CAMKK2: variants seen among roughly 807,000 people sequenced by gnomAD.
CAMKK2 encodes the protein calcium/calmodulin-dependent protein kinase kinase 2.
In CAMKK2, 30 loss-of-function variants were observed where a neutral mutation model predicts 67.2. The observed-to-expected ratio is 0.45, with a 90% CI of 0.33 to 0.61. CAMKK2 has a LOEUF of 0.61. Among genes scored for constraint, CAMKK2 ranks in the 20% least tolerant of loss-of-function variants. The probability of loss-of-function intolerance (pLI) is 0.02; values close to 1 mark genes in which losing one functional copy is unlikely to be tolerated. For synonymous variants in CAMKK2, 322 were observed against 326.2 expected (o/e 0.99, Z 0.14); for missense variants, 643 against 802.0 (o/e 0.80, Z 2.39).
At chr12:121,280,582 A>G (rs1897588748) in intron 1 of CAMKK2, among the ~76,000 whole-genome samples, 1 of 152,294 alleles carries the variant, frequency 6.6e-6, no homozygotes, top group Middle Eastern at 3.4e-3. Context: ...AGCAAATGGG[A>G]GAAATATCGC....
At position 121,240,324 on chromosome 12, in the gene CAMKK2, G is replaced by T; in HGVS notation, c.*375C>A. 3 of 1,035,918 alleles carry T rather than the reference G, an allele frequency of 2.9e-6. No individual in the cohort carries two copies. Among genetic ancestry groups the T allele is most frequent in the Non-Finnish European group, 4.1e-6 (3 of 729,688 alleles). The allele number at this position is 1,035,918 out of a possible 1,614,324, so 64.2% of individuals were successfully genotyped here. A position where few individuals can be genotyped will look rare whatever the true frequency, so the allele number is the denominator to read the frequency against. On this transcript the variant is annotated 3_prime_UTR_variant, in exon 17 of 17. Coordinates refer to ENST00000404169, the MANE Select transcript of CAMKK2 (RefSeq NM_001270485.2). This position sits in a 1 kb window ranked among gnomAD's most constrained non-coding sequence, Gnocchi z 4.4. ...CTCAGACCGCCGGAGTTTTCTGCTC[G>T]CCTTTCCACAGTTGTCAAACCCCAC...
At chr12:121,273,372 G>C (rs1896139631) in intron 2 of CAMKK2, among the ~76,000 whole-genome samples, 1 of 152,100 alleles carries the variant, frequency 6.6e-6, no homozygotes, top group African/African-American at 2.4e-5. Flanking sequence ...AGGGAGCTTA[G>C]GGAGCTGGCA....
In CAMKK2 at chr12:121,251,847, T is replaced by C. The variant is rs199950696; in HGVS notation, c.1161+814A>G. Among the ~76,000 whole-genome samples the C allele has an allele frequency of 3.8e-5, 4 of 105,502 alleles. No homozygotes were observed. The East Asian group carries it at 7.7e-4, about 20-fold the overall frequency. The allele number at this position is 105,502 out of a possible 152,430, so 69.2% of individuals were successfully genotyped here. A position where few individuals can be genotyped will look rare whatever the true frequency, so the allele number is the denominator to read the frequency against. Reference sequence around the variant, plus strand: ...ATCTCAAAAAAAAAAAAAAAAAAAATAGAGAGAGAAGCCCCCAGATATCAA... The same window carrying C: ...ATCTCAAAAAAAAAAAAAAAAAAAACAGAGAGAGAAGCCCCCAGATATCAA... On this transcript the variant is annotated intron_variant, in intron 11 of 16. Coordinates refer to ENST00000404169, the MANE Select transcript of CAMKK2 (RefSeq NM_001270485.2).
At chr12:121,244,504 G>A in intron 16 of CAMKK2, 69 bp downstream of exon 16, 1 of 1,433,286 alleles carries the variant, frequency 7.0e-7, no homozygotes, top group Non-Finnish European at 9.6e-7. Context: ...ATGCCCCCGT[G>A]CTCTGCAGCT....
At chr12:121,259,126 G>A (rs1179782088) in intron 7 of CAMKK2, among the ~76,000 whole-genome samples, 1 of 152,090 alleles carries the variant, frequency 6.6e-6, no homozygotes, top group African/African-American at 2.4e-5. Context: ...ACAGGGGTGA[G>A]CCACTGTGCC....
At chr12:121,251,731 G>A (rs1305519221) in intron 11 of CAMKK2, among the ~76,000 whole-genome samples, 1 of 151,328 alleles carries the variant, frequency 6.6e-6, no homozygotes, top group Non-Finnish European at 1.5e-5. Flanking sequence ...GGAGGCTGAG[G>A]CAGGAGAATG....
chr12:121,244,431 G>T, intron 16 of CAMKK2, 142 bp downstream of exon 16: 1 of 792,844 alleles, frequency 1.3e-6, no homozygotes, highest in Non-Finnish European at 2.0e-6. Context: ...TACTGGGTCT[G>T]GAGGCCCGCG....
In CAMKK2 at chr12:121,240,804, A is replaced by G; in HGVS notation, c.1662T>C (p.Ala554=). 1 of 1,611,704 alleles carries G rather than the reference A, an allele frequency of 6.2e-7. No homozygotes were observed. Among genetic ancestry groups the G allele is most frequent in the East Asian group, 2.2e-5 (1 of 44,838 alleles). ...CCACGCAGGGACTGCCTCTCACAAG[A>G]GCACTTCCTCCTCCCCCACGGGGGG... The part of the protein sequence containing the change: ...RPAPRGGGGS[A]LVRGSPCVES... Residue 554 remains alanine (A), a synonymous_variant, in exon 17 of 17, where the codon GCT becomes GCC. Transcript: ENST00000404169. This position sits in a 1 kb window ranked among gnomAD's most constrained non-coding sequence, Gnocchi z 4.4.
In CAMKK2 at chr12:121,245,102, C is replaced by T. The variant is rs552622983; in HGVS notation, c.1553+38G>A. On this transcript the variant is annotated intron_variant, in intron 15 of 16. Transcript: ENST00000404169. This position sits in a 1 kb window ranked among gnomAD's most constrained non-coding sequence, Gnocchi z 5.8. The stretch of plus-strand genomic sequence containing the variant: ...GGCTGCCCCAAGCCTAGCCTCCAGC[C>T]ACCACTCCCCCACCCAAGAAGGCAG... 9.1e-6 allele frequency: 13 copies of T among 1,422,822 alleles called. No homozygotes were observed. In the Admixed American group the frequency reaches 1.7e-4, roughly 19 times the overall value. The allele number at this position is 1,422,822 out of a possible 1,614,324, so 88.1% of individuals were successfully genotyped here.
At chr12:121,297,422 A>G (rs893610859), upstream of CAMKK2, 2 of 361,072 alleles carry the variant, frequency 5.5e-6, no homozygotes, top group Non-Finnish European at 1.1e-5. Context: ...TTCCTCTCCC[A>G]TCCCCAGCCC....
rs1479485155 is a variant in CAMKK2, at chr12:121,251,848, AG to A, written c.1161+812del. Among the ~76,000 whole-genome samples, 7 of 135,528 alleles carry A rather than the reference AG, an allele frequency of 5.2e-5. No individual in the cohort carries two copies. In the East Asian group the frequency reaches 1.4e-3, roughly 28 times the overall value. 88.9% of individuals were successfully genotyped at this position (135,528 alleles called of 152,430 possible). A position where few individuals can be genotyped will look rare whatever the true frequency, so the allele number is the denominator to read the frequency against. ...TCTCAAAAAAAAAAAAAAAAAAAAT[AG>A]AGAGAGAAGCCCCCAGATATCAATA... is the stretch of plus-strand genomic sequence containing the variant. On this transcript the variant is annotated intron_variant, in intron 11 of 16. Transcript: ENST00000404169.
At chr12:121,262,231 G>A (rs971277670) in intron 6 of CAMKK2, among the ~76,000 whole-genome samples, 1 of 152,054 alleles carries the variant, frequency 6.6e-6, no homozygotes, top group Non-Finnish European at 1.5e-5. Flanking sequence ...TGTATTACTC[G>A]GCCGGGTGCA....
rs1304766669 is a variant in CAMKK2 at position 121,239,801 on chromosome 12, C to T, written c.*898G>A. The T allele has an allele frequency of 3.9e-5, 6 of 152,274 alleles. No individual in the cohort carries two copies. Among genetic ancestry groups the T allele is most frequent in the African/African-American group, 1.2e-4 (5 of 41,410 alleles). 9.4% of individuals were successfully genotyped at this position (152,274 alleles called of 1,614,324 possible). On this transcript the variant is annotated 3_prime_UTR_variant, in exon 17 of 17. Transcript: ENST00000404169. ...CTGGAAGCTCTAAATAGTTTCTGAACTACTGTGCTCTAGAGTTCACTCTAG... is the reference window on the plus strand; with the variant it reads ...CTGGAAGCTCTAAATAGTTTCTGAATTACTGTGCTCTAGAGTTCACTCTAG...
intron 1 of CAMKK2, among the ~76,000 whole-genome samples, chr12:121,283,812 C>T (rs369216686): frequency 1.7e-3 from 254 of 147,434 alleles, no homozygotes; most frequent in African/African-American, 6.1e-3. Flanking sequence ...GAGATCCTTT[C>T]GCTAAATAAA....
chr12:121,272,364 T>C (rs745743911), intron 2 of CAMKK2, among the ~76,000 whole-genome samples: 7 of 152,152 alleles, frequency 4.6e-5, no homozygotes, highest in Non-Finnish European at 8.8e-5. Flanking sequence ...ACTACAGATA[T>C]ACGCCACAAC....
chr12:121,270,978 A>AT, intron 2 of CAMKK2, 33 bp from the exon 3 acceptor site: 3 of 1,602,826 alleles, frequency 1.9e-6, no homozygotes, highest in Non-Finnish European at 2.6e-6. Context: ...TGCAAAATGA[A>AT]TTTTAAGTTT....
chr12:121,257,978 G>C (rs529835818), intron 7 of CAMKK2, among the ~76,000 whole-genome samples: 33 of 152,062 alleles, frequency 2.2e-4, no homozygotes, highest in African/African-American at 7.5e-4. Flanking sequence ...CTGAGCAGTG[G>C]GTGGGAATTT....
chr12:121,255,278 T>TTTTA (rs1357577899), intron 9 of CAMKK2, among the ~76,000 whole-genome samples: 5 of 64,506 alleles, frequency 7.8e-5, no homozygotes, highest in African/African-American at 1.3e-4. Context: ...ATATATATAA[T>TTTTA]TATATATATA....
chr12:121,283,779 C>T (rs781712219), intron 1 of CAMKK2, among the ~76,000 whole-genome samples: 6 of 152,176 alleles, frequency 3.9e-5, no homozygotes, highest in Non-Finnish European at 8.8e-5. Context: ...TGCACCACTG[C>T]ACTCCAGCCT....
Sources: allele counts gnomAD v4.1 joint callset (sites outside exome capture counted in the v4.1 genomes callset), GRCh38; gene constraint gnomAD v4.1.1; non-coding constraint Gnocchi (gnomAD v3.1); transcripts MANE v1.5; gene names NCBI Gene and HGNC (gene_info 2026-07-23, HGNC 2026-07-21).